The following RTN1 variants were observed in gnomAD, a reference collection of about 807,000 sequenced individuals.
The protein encoded by RTN1 is reticulon-1.
RTN1 carries 25 observed loss-of-function variants against 65.5 expected under a neutral mutation model. The observed-to-expected ratio is 0.38, with a 90% CI of 0.28 to 0.53. The LOEUF (loss-of-function observed/expected upper bound fraction) is 0.53. Among genes scored for constraint, RTN1 ranks in the 20% least tolerant of loss-of-function variants. The pLI is 0.79. For synonymous variants in RTN1, 471 were observed against 447.6 expected (o/e 1.05, Z -0.66); for missense variants, 983 against 1,025.4 (o/e 0.96, Z 0.57).
At chr14:59,691,673 CA>C (rs1240719570) in intron 3 of RTN1, among the ~76,000 whole-genome samples, 1 of 152,018 alleles carries the variant, frequency 6.6e-6, no homozygotes, top group African/African-American at 2.4e-5. Context: ...AACATAGATG[CA>C]AAAATCCTCA....
chr14:59,653,396 C>G (rs898695919), intron 3 of RTN1, among the ~76,000 whole-genome samples: 1 of 150,790 alleles, frequency 6.6e-6, no homozygotes, highest in Non-Finnish European at 1.5e-5. Context: ...TCGAAAAATT[C>G]TAAAGAAAAT....
chr14:59,598,057 A>T (rs72716114), intron 8 of RTN1, among the ~76,000 whole-genome samples: 3,368 of 151,972 alleles, frequency 0.022, 99 homozygotes, highest in African/African-American at 0.068. Context: ...TTGTAAGAAG[A>T]TCATGATGGT....
In RTN1 at chr14:59,596,526, T is replaced by G. The variant is rs1881403452; in HGVS notation, c.*219A>C. 2.5e-6 allele frequency: 1 copy of G among 400,876 alleles called. No individual in the cohort carries two copies. The highest frequency in any genetic ancestry group is 4.5e-6 in the Non-Finnish European group (1 of 221,874). 24.8% of individuals were successfully genotyped at this position (400,876 alleles called of 1,614,324 possible). A position where few individuals can be genotyped will look rare whatever the true frequency, so the allele number is the denominator to read the frequency against. On this transcript the variant is annotated 3_prime_UTR_variant, in exon 9 of 9. Transcript: ENST00000267484. The stretch of plus-strand genomic sequence containing the variant: ...GCAACACAAAATTAAAAACCACATC[T>G]AATACACTTTTCTCTATACTTTAGT...
At chr14:59,724,763 G>A (rs976840948) in intron 3 of RTN1, among the ~76,000 whole-genome samples, 3 of 151,128 alleles carry the variant, frequency 2.0e-5, no homozygotes, top group Non-Finnish European at 4.4e-5. Flanking sequence ...GCTGGGCAGC[G>A]CTGATCCTTT....
At chr14:59,654,058 A>G (rs565246802) in intron 3 of RTN1, among the ~76,000 whole-genome samples, 4 of 152,240 alleles carry the variant, frequency 2.6e-5, no homozygotes, top group Non-Finnish European at 5.9e-5. Context: ...TCAGTTCCAG[A>G]TGGTTTCACT....
intron 1 of RTN1, among the ~76,000 whole-genome samples, chr14:59,789,204 G>A (rs1260909872): frequency 6.6e-6 from 1 of 151,666 alleles, no homozygotes; most frequent in African/African-American, 2.4e-5. Flanking sequence ...TTGATATGCA[G>A]TATTTTACAT....
chr14:59,702,480 T>G (rs1392079441), intron 3 of RTN1, among the ~76,000 whole-genome samples: 1 of 152,196 alleles, frequency 6.6e-6, no homozygotes, highest in Non-Finnish European at 1.5e-5. Flanking sequence ...TCCCTTGTGA[T>G]TTCATTCAGT....
chr14:59,627,022 G>A (rs539213025), intron 3 of RTN1, among the ~76,000 whole-genome samples: 9 of 152,204 alleles, frequency 5.9e-5, no homozygotes, highest in Non-Finnish European at 1.2e-4. Flanking sequence ...GGCAGTGAGT[G>A]CTGAGATGGG....
At chr14:59,602,251 C>G (rs1375772432) in intron 8 of RTN1, among the ~76,000 whole-genome samples, 1 of 152,070 alleles carries the variant, frequency 6.6e-6, no homozygotes, top group Non-Finnish European at 1.5e-5. Context: ...ACATTATTAT[C>G]AGATAATTAG....
chr14:59,847,175 C>T (rs1398566002), intron 1 of RTN1, among the ~76,000 whole-genome samples: 3 of 152,142 alleles, frequency 2.0e-5, no homozygotes, highest in South Asian at 2.1e-4. Flanking sequence ...ATACTTCTAT[C>T]GTATTTCTTC....
chr14:59,686,844 T>C (rs1044630139), intron 3 of RTN1, among the ~76,000 whole-genome samples: 9 of 152,200 alleles, frequency 5.9e-5, no homozygotes, highest in African/African-American at 1.9e-4. Context: ...TTCTGAGGCC[T>C]GGAACCAAGA....
intron 1 of RTN1, among the ~76,000 whole-genome samples, chr14:59,750,481 C>A (rs1343088765): frequency 2.1e-3 from 103 of 49,266 alleles, no homozygotes; most frequent in African/African-American, 7.8e-3. Context: ...TATAATATAT[C>A]TATAATATAT....
At chr14:59,864,467 C>T (rs1887763402) in intron 1 of RTN1, among the ~76,000 whole-genome samples, 1 of 151,692 alleles carries the variant, frequency 6.6e-6, no homozygotes, top group Non-Finnish European at 1.5e-5. Flanking sequence ...CTGTTTTGAC[C>T]TTTTTCACAA....
Position 59,760,281 on chromosome 14 carries a change from A to C in RTN1, c.242-13800T>G, listed in dbSNP as rs373848984. Among the ~76,000 whole-genome samples the C allele has an allele frequency of 2.5e-4, 38 of 152,352 alleles. No homozygotes were observed. The East Asian group carries it at 4.2e-3, about 17-fold the overall frequency. Reference sequence around the variant, plus strand: ...AGATATCTAGATGCAGATATATAGAATACTAACTCTCATGTAAGAAAAAGA... The same window carrying C: ...AGATATCTAGATGCAGATATATAGACTACTAACTCTCATGTAAGAAAAAGA... On this transcript the variant is annotated intron_variant, in intron 1 of 8. Coordinates refer to ENST00000267484, the MANE Select transcript of RTN1 (RefSeq NM_021136.3).
intron 1 of RTN1, among the ~76,000 whole-genome samples, chr14:59,804,933 C>T (rs1886610493): frequency 6.6e-6 from 1 of 152,198 alleles, no homozygotes; most frequent in Non-Finnish European, 1.5e-5. Context: ...CAGATGGTGA[C>T]TTTCACAGTG....
intron 1 of RTN1, among the ~76,000 whole-genome samples, chr14:59,750,019 A>G (rs1406767439): frequency 1.3e-5 from 1 of 76,448 alleles, no homozygotes; most frequent in Non-Finnish European, 2.2e-5. Context: ...TATATATTAT[A>G]TATTATATTA....
intron 3 of RTN1, 99 bp downstream of exon 3, chr14:59,726,820 G>A: frequency 1.0e-6 from 1 of 982,420 alleles, no homozygotes; most frequent in African/African-American, 1.6e-5. Context: ...TGATCAGCAT[G>A]GGGATGACTC....
chr14:59,634,783 G>A (rs1882628245), intron 3 of RTN1, among the ~76,000 whole-genome samples: 1 of 152,194 alleles, frequency 6.6e-6, no homozygotes, highest in East Asian at 1.9e-4. Context: ...CAGGTTTCAG[G>A]AAAGGCTTTA....
rs1401106752 is a variant in RTN1 at position 59,803,979 on chromosome 14, CTT to C, written c.242-57500_242-57499del. ...CACATGCTGTACGTCAGTTTCCTCTCTTGTTAACATCTTACATGGTCTATTTG... is the reference window on the plus strand; with the variant it reads ...CACATGCTGTACGTCAGTTTCCTCTCGTTAACATCTTACATGGTCTATTTG... On this transcript the variant is annotated intron_variant, in intron 1 of 8. Coordinates refer to ENST00000267484, the MANE Select transcript of RTN1 (RefSeq NM_021136.3). The surrounding 1 kb of genome is among the most constrained non-coding windows in gnomAD (Gnocchi z 5.6). Among the ~76,000 whole-genome samples the C allele has an allele frequency of 2.6e-5, 4 of 152,158 alleles. No homozygotes were observed. The highest frequency in any genetic ancestry group is 6.5e-5 in the Admixed American group (1 of 15,280).
Sources: allele counts gnomAD v4.1 joint callset (sites outside exome capture counted in the v4.1 genomes callset), GRCh38; gene constraint gnomAD v4.1.1; non-coding constraint Gnocchi (gnomAD v3.1); transcripts MANE v1.5; gene names NCBI Gene and HGNC (gene_info 2026-07-23, HGNC 2026-07-21).